The following EPB41L3 variants were observed in gnomAD, a reference collection of about 807,000 sequenced individuals.
EPB41L3 encodes the protein band 4.1-like protein 3.
In EPB41L3, 57 loss-of-function variants were observed where a neutral mutation model predicts 127.1. The observed-to-expected ratio is 0.45, with a 90% CI of 0.36 to 0.56. The LOEUF (loss-of-function observed/expected upper bound fraction) is 0.56, where lower values mean the gene tolerates loss of function less well. Ranked by LOEUF, EPB41L3 falls within the 20% of genes least tolerant of loss-of-function variation. The probability of loss-of-function intolerance (pLI) is 0.00; values close to 1 mark genes in which losing one functional copy is unlikely to be tolerated. For missense variants in EPB41L3, 1,273 were observed against 1,372.2 expected, an observed-to-expected ratio of 0.93 and a Z score of 1.14; for synonymous variants, 572 against 549.5, an observed-to-expected ratio of 1.04 and a Z score of -0.57.
Position 5,407,668 on chromosome 18 carries a change from T to C in EPB41L3, c.2157+33A>G, listed in dbSNP as rs200388785. On this transcript the variant is annotated intron_variant, in intron 15 of 22. Coordinates refer to ENST00000341928, the MANE Select transcript of EPB41L3 (RefSeq NM_012307.5). ...CTTATCACACACTGTTGTTTTGTTG[T>C]TGTTGTTGTTTGTTTTATTTTTAAT... 166 of 1,609,114 alleles carry C rather than the reference T, an allele frequency of 1.0e-4. 1 individual carries two copies. Among genetic ancestry groups the C allele is most frequent in the Admixed American group, 2.0e-4 (12 of 59,986 alleles).
chr18:5,495,089 T>C (rs1298059003), intron 1 of EPB41L3, among the ~76,000 whole-genome samples: 2 of 152,190 alleles, frequency 1.3e-5, no homozygotes, highest in Admixed American at 1.3e-4. Flanking sequence ...CTGGTCATTA[T>C]TAAATATCTT....
chr18:5,457,014 G>A (rs368378604), intron 3 of EPB41L3, among the ~76,000 whole-genome samples: 2 of 152,342 alleles, frequency 1.3e-5, no homozygotes, highest in African/African-American at 2.4e-5. Flanking sequence ...GCTCCTTCCC[G>A]AATCTCAGAT....
chr18:5,503,115 T>C (rs1367401819), intron 1 of EPB41L3, among the ~76,000 whole-genome samples: 2 of 152,242 alleles, frequency 1.3e-5, no homozygotes, highest in African/African-American at 4.8e-5. Flanking sequence ...AAGTATTTCT[T>C]CTTAGAGATG....
intron 3 of EPB41L3, among the ~76,000 whole-genome samples, chr18:5,608,582 G>T (rs543611950): frequency 6.6e-6 from 1 of 152,130 alleles, no homozygotes; most frequent in African/African-American, 2.4e-5. Context: ...TCTTCAGAAG[G>T]CTTTCAAGGT....
rs200823240 is a variant in EPB41L3, at chr18:5,397,305, T to C, written c.2594A>G (p.His865Arg). The C allele has an allele frequency of 2.6e-5, 42 of 1,613,974 alleles. No homozygotes were observed. The highest frequency in any genetic ancestry group is 3.3e-5 in the Non-Finnish European group (39 of 1,180,044). ...CGAGTAAGAAGCATCCCCACTCGCG[T>C]GCACCACACGCCGCTCCTCCACCAA... ...TVLVEERRVV[H>R]ASGDASYSAG... is the part of the protein sequence containing the mutation. Residue 865 changes from histidine to arginine, a missense_variant, in exon 18 of 23, where the codon CAC (histidine) becomes CGC (arginine). Coordinates refer to ENST00000341928, the MANE Select transcript of EPB41L3 (RefSeq NM_012307.5). The surrounding 1 kb of genome is among the most constrained non-coding windows in gnomAD (Gnocchi z 4.1).
chr18:5,415,147 A>C (rs1289699910), intron 13 of EPB41L3, among the ~76,000 whole-genome samples: 1 of 152,202 alleles, frequency 6.6e-6, no homozygotes, highest in East Asian at 1.9e-4. Flanking sequence ...ATTGTGTCTG[A>C]ACACTGCTGC....
chr18:5,447,529 C>T (rs2081662072), intron 3 of EPB41L3, among the ~76,000 whole-genome samples: 1 of 142,482 alleles, frequency 7.0e-6, no homozygotes, highest in Non-Finnish European at 1.5e-5. Context: ...AATACTTTCT[C>T]TATGTGTAAA....
At chr18:5,531,543 T>C (rs1361322746) in intron 1 of EPB41L3, among the ~76,000 whole-genome samples, 2 of 151,862 alleles carry the variant, frequency 1.3e-5, no homozygotes, top group East Asian at 3.9e-4. Context: ...GCCAACATGG[T>C]AAAACCCTGT....
intron 2 of EPB41L3, among the ~76,000 whole-genome samples, chr18:5,487,184 G>A (rs2089895535): frequency 2.0e-5 from 3 of 152,172 alleles, no homozygotes; most frequent in Admixed American, 2.0e-4. Flanking sequence ...CACCAACACG[G>A]ATGGAACTAC....
rs535925015 is a variant in EPB41L3 at position 5,416,299 on chromosome 18, C to T, written c.1586G>A (p.Arg529His). Reference sequence around the variant, plus strand: ...GCAGTCATTCTCCTTACACCTCCTACGGAGCTCTGTGGGAGATGTGGGGGC... The same window carrying T: ...GCAGTCATTCTCCTTACACCTCCTATGGAGCTCTGTGGGAGATGTGGGGGC... ...HCAPTSPTEL[R>H]RRCKENDCKL... The change falls in exon 13 of 23, where the codon CGT becomes CAT. Residue 529 changes from arginine to histidine, a missense_variant. Coordinates refer to ENST00000341928, the MANE Select transcript of EPB41L3 (RefSeq NM_012307.5). 7.9e-5 allele frequency: 128 copies of T among 1,614,012 alleles called. 3 individuals are homozygous for T. The South Asian group carries it at 1.2e-3, about 15-fold the overall frequency.
At chr18:5,552,717 G>A (rs1345077054) in intron 3 of EPB41L3, among the ~76,000 whole-genome samples, 2 of 149,364 alleles carry the variant, frequency 1.3e-5, no homozygotes, top group African/African-American at 2.6e-5. Context: ...TATTGTTCCA[G>A]TTAAATAACT....
chr18:5,457,755 A>T (rs1335091598), intron 3 of EPB41L3, among the ~76,000 whole-genome samples: 2 of 152,050 alleles, frequency 1.3e-5, no homozygotes, highest in Non-Finnish European at 2.9e-5. Flanking sequence ...TCCTGCAAAG[A>T]GGAGACTGTA....
chr18:5,554,214 T>C (rs2094003232), intron 3 of EPB41L3, among the ~76,000 whole-genome samples: 1 of 152,218 alleles, frequency 6.6e-6, no homozygotes, highest in South Asian at 2.1e-4. Flanking sequence ...TCCTTATTTA[T>C]CATGTTTATT....
At chr18:5,613,027 A>G (rs1276371784) in intron 2 of EPB41L3, among the ~76,000 whole-genome samples, 1 of 152,224 alleles carries the variant, frequency 6.6e-6, no homozygotes, top group African/African-American at 2.4e-5. Flanking sequence ...GGCATGAGCC[A>G]CTGTGCCCAG....
chr18:5,560,959 ATTTATTTATT>A (rs1457533492), intron 3 of EPB41L3, among the ~76,000 whole-genome samples: 1 of 130,614 alleles, frequency 7.7e-6, no homozygotes, highest in Non-Finnish European at 1.7e-5. Context: ...TTATTTATTT[ATTTATTTATT>A]TATTTATTTA....
At chr18:5,489,666 C>A (rs1305778513) in intron 1 of EPB41L3, among the ~76,000 whole-genome samples, 1 of 152,178 alleles carries the variant, frequency 6.6e-6, no homozygotes, top group African/African-American at 2.4e-5. Context: ...TCTACAGATA[C>A]TTCAAGGAAC....
intron 1 of EPB41L3, among the ~76,000 whole-genome samples, chr18:5,492,563 T>A (rs930898185): frequency 6.6e-6 from 1 of 152,198 alleles, no homozygotes. Flanking sequence ...TTTTCCAAGG[T>A]TCCCTTCTCT....
chr18:5,487,780 G>A (rs1390340492), intron 2 of EPB41L3, among the ~76,000 whole-genome samples: 2 of 145,488 alleles, frequency 1.4e-5, no homozygotes, highest in East Asian at 4.0e-4. Flanking sequence ...TTTTTAATAA[G>A]TATAAAATTG....
At chr18:5,542,455 T>G (rs2093758185) in intron 1 of EPB41L3, among the ~76,000 whole-genome samples, 1 of 151,910 alleles carries the variant, frequency 6.6e-6, no homozygotes, top group African/African-American at 2.4e-5. Context: ...AGCCTAAAAT[T>G]CTCACTGTGC....
Sources: allele counts gnomAD v4.1 joint callset (sites outside exome capture counted in the v4.1 genomes callset), GRCh38; gene constraint gnomAD v4.1.1; non-coding constraint Gnocchi (gnomAD v3.1); transcripts MANE v1.5; gene names NCBI Gene and HGNC (gene_info 2026-07-23, HGNC 2026-07-21).